DENND1A: variants seen among roughly 807,000 people sequenced by gnomAD.
The protein encoded by DENND1A is DENN domain containing 1A.
DENND1A carries 51 observed loss-of-function variants against 113.7 expected under a neutral mutation model. The ratio of observed to expected loss-of-function variants is 0.45; its 90% CI spans 0.36 to 0.57. The LOEUF is 0.57. Among genes scored for constraint, DENND1A ranks in the 20% least tolerant of loss-of-function variants. The probability of loss-of-function intolerance (pLI) is 0.00; values close to 1 mark genes in which losing one functional copy is unlikely to be tolerated. For missense variants in DENND1A, 1,258 were observed against 1,395.9 expected, an observed-to-expected ratio of 0.90 and a Z score of 1.57; for synonymous variants, 565 against 570.8, an observed-to-expected ratio of 0.99 and a Z score of 0.14.
chr9:123,905,610 A>G (rs1852653480), intron 1 of DENND1A, among the ~76,000 whole-genome samples: 1 of 146,300 alleles, frequency 6.8e-6, no homozygotes, highest in African/African-American at 2.5e-5. Flanking sequence ...GAGACAAAGA[A>G]GGCCATTACA....
chr9:123,467,611 C>T (rs575888973), intron 13 of DENND1A, among the ~76,000 whole-genome samples: 4 of 152,250 alleles, frequency 2.6e-5, no homozygotes, highest in South Asian at 2.1e-4. Flanking sequence ...GCCGAGATCG[C>T]GCCACTGCAC....
chr9:123,611,482 T>C (rs539754657), intron 10 of DENND1A, among the ~76,000 whole-genome samples: 1 of 152,284 alleles, frequency 6.6e-6, no homozygotes, highest in Admixed American at 6.5e-5. Context: ...TCTCATCTAG[T>C]GGAACCTTGC....
At chr9:123,440,586 TC>T in intron 18 of DENND1A, 95 bp from the exon 19 acceptor site, 1 of 1,412,666 alleles carries the variant, frequency 7.1e-7, no homozygotes. Flanking sequence ...GGCGACTCTC[TC>T]CGTGACATTC....
intron 1 of DENND1A, among the ~76,000 whole-genome samples, chr9:123,885,761 T>C (rs1291977543): frequency 6.6e-6 from 1 of 152,250 alleles, no homozygotes; most frequent in Non-Finnish European, 1.5e-5. Flanking sequence ...GGAAGGGTCA[T>C]GCTCAGTGCT....
intron 10 of DENND1A, among the ~76,000 whole-genome samples, chr9:123,620,467 C>A (rs550284967): frequency 5.3e-5 from 8 of 152,234 alleles, no homozygotes; most frequent in African/African-American, 1.9e-4. Context: ...GCAAAAGACA[C>A]TGAGGCTCAG....
chr9:123,661,744 T>C (rs948163442), intron 8 of DENND1A, among the ~76,000 whole-genome samples: 1 of 152,200 alleles, frequency 6.6e-6, no homozygotes, highest in African/African-American at 2.4e-5. Flanking sequence ...AAGAACACTT[T>C]TTAAAATCTA....
intron 2 of DENND1A, among the ~76,000 whole-genome samples, chr9:123,861,967 T>C (rs553674648): frequency 1.3e-5 from 2 of 152,300 alleles, no homozygotes; most frequent in African/African-American, 4.8e-5. Context: ...CCAGTGCAAA[T>C]GCCAGGCAAA....
At chr9:123,751,401 AAAC>A (rs2070013119) in intron 5 of DENND1A, 1 of 152,178 alleles carries the variant, frequency 6.6e-6, no homozygotes, top group Non-Finnish European at 1.5e-5. Flanking sequence ...TTTTAAAAGA[AAAC>A]AAAAAAACCC....
At chr9:123,692,769 G>A (rs2065262928) in intron 5 of DENND1A, among the ~76,000 whole-genome samples, 1 of 152,144 alleles carries the variant, frequency 6.6e-6, no homozygotes, top group African/African-American at 2.4e-5. Context: ...CTTTTATTAT[G>A]ACTCTAAAAT....
Position 123,919,421 on chromosome 9 carries a change from G to A in DENND1A, c.17+10468C>T, listed in dbSNP as rs527871766. Among the ~76,000 whole-genome samples the A allele has an allele frequency of 9.4e-5, 14 of 148,696 alleles. No individual in the cohort carries two copies. In the South Asian group the frequency reaches 1.7e-3, roughly 18 times the overall value. On this transcript the variant is annotated intron_variant, in intron 1 of 23. Transcript: ENST00000394215. The stretch of plus-strand genomic sequence containing the variant: ...CAGGAGGCAGAGGTTGCAGTGAGCC[G>A]AGATCACACCACTGCACTCCAGCTT...
At position 123,855,768 on chromosome 9, in the gene DENND1A, C is replaced by T. The variant is rs116923809; in HGVS notation, c.88+23183G>A. 5.7e-3 allele frequency among the ~76,000 whole-genome samples: 866 copies of T among 152,162 alleles called. 10 individuals are homozygous for T. The highest frequency in any genetic ancestry group is 0.04 in the South Asian group (192 of 4,826). ...AAACCAATTAAGTGTCCAGGTGCGG[C>T]GGCTCACACCTGTAATCCCAGCACT... is the stretch of plus-strand genomic sequence containing the variant. On this transcript the variant is annotated intron_variant, in intron 2 of 23. Coordinates refer to ENST00000394215, the MANE Select transcript of DENND1A (RefSeq NM_001352964.2).
At chr9:123,388,547 T>G (rs913802720) in intron 21 of DENND1A, among the ~76,000 whole-genome samples, 4 of 152,226 alleles carry the variant, frequency 2.6e-5, no homozygotes, top group Non-Finnish European at 4.4e-5. Context: ...CTTTTCTGAT[T>G]AGCGGCTGCT....
At position 123,874,025 on chromosome 9, in the gene DENND1A, G is replaced by A. The variant is rs551685863; in HGVS notation, c.88+4926C>T. On this transcript the variant is annotated intron_variant, in intron 2 of 23. Coordinates refer to ENST00000394215, the MANE Select transcript of DENND1A (RefSeq NM_001352964.2). ...CAAAGTGCTGGGATTACAGGCGTAA[G>A]CCACTGCACCCGGCCCTATCTATCC... Among the ~76,000 whole-genome samples, 6 of 152,272 alleles carry A rather than the reference G, an allele frequency of 3.9e-5. No homozygotes were observed. In the East Asian group the frequency reaches 9.6e-4, roughly 24 times the overall value.
At chr9:123,394,484 T>G (rs2043018609) in intron 21 of DENND1A, among the ~76,000 whole-genome samples, 1 of 152,182 alleles carries the variant, frequency 6.6e-6, no homozygotes, top group East Asian at 1.9e-4. Flanking sequence ...TTGGGGTGGC[T>G]GCAGTCAAGC....
chr9:123,553,957 C>T lies in DENND1A; in HGVS notation c.993+3613G>A, dbSNP rs144233880. Among the ~76,000 whole-genome samples, 311 of 152,266 alleles carry T rather than the reference C, an allele frequency of 2.0e-3. 1 individual carries two copies. The highest frequency in any genetic ancestry group is 7.2e-3 in the African/African-American group (300 of 41,556). ...ATTTTTAGTAGAGACAGGATGTCAC[C>T]ACGTTGGCCAGGATGGTCTCAATCT... On this transcript the variant is annotated intron_variant, in intron 13 of 23. Coordinates refer to ENST00000394215, the MANE Select transcript of DENND1A (RefSeq NM_001352964.2).
intron 13 of DENND1A, among the ~76,000 whole-genome samples, chr9:123,478,869 T>C (rs1055192212): frequency 6.6e-6 from 1 of 152,238 alleles, no homozygotes; most frequent in African/African-American, 2.4e-5. Context: ...GACTGTGTTA[T>C]TCCACAACTG....
intron 5 of DENND1A, among the ~76,000 whole-genome samples, chr9:123,739,943 C>T (rs1355675152): frequency 3.3e-5 from 5 of 149,818 alleles, no homozygotes; most frequent in East Asian, 1.9e-4. Context: ...AAAAAGGCTT[C>T]ATATAATTTG....
intron 5 of DENND1A, among the ~76,000 whole-genome samples, chr9:123,704,849 G>C (rs185254571): frequency 1.3e-5 from 2 of 152,082 alleles, no homozygotes; most frequent in Admixed American, 6.5e-5. Context: ...TTAGTGAGCC[G>C]GAAGATAAAC....
intron 9 of DENND1A, among the ~76,000 whole-genome samples, chr9:123,650,105 C>G (rs1234892084): frequency 6.6e-6 from 1 of 152,096 alleles, no homozygotes; most frequent in Admixed American, 6.5e-5. Flanking sequence ...TAGACTCTTT[C>G]AAAGAGGTGA....
Sources: gnomAD v4.1 joint callset for allele counts (sites outside exome capture counted in the v4.1 genomes callset) on GRCh38, gnomAD v4.1.1 for gene constraint, MANE v1.5 for transcripts, NCBI Gene and HGNC (gene_info 2026-07-23, HGNC 2026-07-21) for gene names.